Variants in MSI2 observed in about 807,000 individuals in gnomAD.
MSI2 encodes the protein musashi RNA binding protein 2.
Under a neutral mutation model 45.6 loss-of-function variants are expected in MSI2, and 17 were observed. That is an observed-to-expected ratio of 0.37 (90% confidence interval 0.26 to 0.56). The LOEUF is 0.56. Among genes scored for constraint, MSI2 ranks in the 20% least tolerant of loss-of-function variants. The probability of loss-of-function intolerance (pLI) is 0.77; values close to 1 mark genes in which losing one functional copy is unlikely to be tolerated. For synonymous variants in MSI2, 156 were observed against 158.2 expected (o/e 0.99, Z 0.11); for missense variants, 293 against 444.2 (o/e 0.66, Z 3.06).
intron 5 of MSI2, among the ~76,000 whole-genome samples, chr17:57,311,426 C>T (rs761114210): frequency 4.6e-5 from 7 of 152,106 alleles, no homozygotes; most frequent in Non-Finnish European, 1.0e-4. Context: ...TAAAACACTC[C>T]CCACTGTTCA....
At chr17:57,451,042 T>A (rs554308747) in intron 6 of MSI2, among the ~76,000 whole-genome samples, 1 of 152,272 alleles carries the variant, frequency 6.6e-6, no homozygotes, top group South Asian at 2.1e-4. Context: ...TGAAGCTTCC[T>A]CGATTGCTCA....
chr17:57,678,843 A>T (rs1226437548), intron 13 of MSI2, among the ~76,000 whole-genome samples: 1 of 152,242 alleles, frequency 6.6e-6, no homozygotes, highest in Non-Finnish European at 1.5e-5. Context: ...CACCCGCAGC[A>T]CTTAGGAAGG....
intron 7 of MSI2, among the ~76,000 whole-genome samples, chr17:57,532,742 C>T (rs1049381464): frequency 1.3e-5 from 2 of 152,206 alleles, no homozygotes; most frequent in African/African-American, 2.4e-5. Flanking sequence ...GAAAGTGCTG[C>T]AGTGGCAGAA....
intron 5 of MSI2, among the ~76,000 whole-genome samples, chr17:57,310,891 G>A (rs866580584): frequency 2.6e-5 from 4 of 152,186 alleles, no homozygotes; most frequent in African/African-American, 9.7e-5. Context: ...ATCCTTTTCT[G>A]CCCCTTACTA....
At chr17:57,328,458 C>A (rs1172967393) in intron 5 of MSI2, among the ~76,000 whole-genome samples, 1 of 152,218 alleles carries the variant, frequency 6.6e-6, no homozygotes, top group African/African-American at 2.4e-5. Flanking sequence ...TAAATGTAGA[C>A]ATAACTTTGT....
At chr17:57,693,948 A>G in the MSI2 span, among the ~76,000 whole-genome samples, 96,188 of 152,204 alleles carry the variant, frequency 0.63, 30,920 homozygotes, top group African/African-American at 0.75. Flanking sequence ...AAATGTGTCA[A>G]ATGGATATCA....
chr17:57,494,069 G>A (rs1479035456), intron 6 of MSI2, among the ~76,000 whole-genome samples: 1 of 152,130 alleles, frequency 6.6e-6, no homozygotes, highest in Admixed American at 6.5e-5. Flanking sequence ...TGGCACTTTT[G>A]TATTCACAAC....
At chr17:57,418,538 T>C (rs2084337392) in intron 6 of MSI2, among the ~76,000 whole-genome samples, 1 of 152,170 alleles carries the variant, frequency 6.6e-6, no homozygotes, top group Non-Finnish European at 1.5e-5. Context: ...GGAATGATCA[T>C]TTTGGGGTCT....
At chr17:57,345,813 C>T (rs928357914) in intron 5 of MSI2, among the ~76,000 whole-genome samples, 1 of 114,284 alleles carries the variant, frequency 8.8e-6, no homozygotes, top group Non-Finnish European at 1.7e-5. Flanking sequence ...AGTGGGACTC[C>T]GTCTCAAAAA....
chr17:57,521,664 A>G (rs9907547), intron 6 of MSI2, among the ~76,000 whole-genome samples: 27,683 of 152,130 alleles, frequency 0.18, 2,598 homozygotes, highest in African/African-American at 0.24. Context: ...CTACACACAC[A>G]TATGCTGTGT....
chr17:57,573,174 T>C (rs1195150342), intron 7 of MSI2, among the ~76,000 whole-genome samples: 2 of 152,262 alleles, frequency 1.3e-5, no homozygotes, highest in Admixed American at 1.3e-4. Flanking sequence ...CATTGGTTAC[T>C]AGTTATTGTA....
intron 6 of MSI2, among the ~76,000 whole-genome samples, chr17:57,462,010 A>G (rs1018736151): frequency 7.2e-5 from 11 of 152,156 alleles, no homozygotes; most frequent in African/African-American, 2.7e-4. Context: ...ACAGTTTGGG[A>G]GGCCAGAAGT....
intron 6 of MSI2, among the ~76,000 whole-genome samples, chr17:57,429,194 C>T (rs953920375): frequency 6.6e-6 from 1 of 152,058 alleles, no homozygotes; most frequent in Admixed American, 6.5e-5. Context: ...TGGGCTATGC[C>T]GACTTAACCC....
rs570193087 is a variant in MSI2, at chr17:57,450,143, T to G, written c.405+48672T>G. 3 of 152,042 alleles carry G rather than the reference T, an allele frequency of 2.0e-5. No homozygotes were observed. The South Asian group carries it at 6.2e-4, about 32-fold the overall frequency. The allele number at this position is 152,042 out of a possible 1,614,324, so 9.4% of individuals were successfully genotyped here. ...ATTTGACCTTCAGTAAATTCAACAT[T>G]GGAGGGTAACAGGGTTTTCTTTCCT... On this transcript the variant is annotated intron_variant, in intron 6 of 13. Coordinates refer to ENST00000284073, the MANE Select transcript of MSI2 (RefSeq NM_138962.4).
At chr17:57,678,359 A>T (rs1273926933) in intron 13 of MSI2, among the ~76,000 whole-genome samples, 1 of 152,198 alleles carries the variant, frequency 6.6e-6, no homozygotes, top group Non-Finnish European at 1.5e-5. Context: ...GCCAGAGGCC[A>T]CTAACAGTTT....
intron 5 of MSI2, among the ~76,000 whole-genome samples, chr17:57,328,012 C>G (rs1300421276): frequency 6.6e-6 from 1 of 152,156 alleles, no homozygotes; most frequent in African/African-American, 2.4e-5. Context: ...TGCAAAGGCA[C>G]TACTGTTGGG....
intron 5 of MSI2, among the ~76,000 whole-genome samples, chr17:57,315,110 T>C (rs9902064): frequency 0.18 from 27,731 of 152,056 alleles, 3,059 homozygotes; most frequent in African/African-American, 0.31. Context: ...GTTTGGGCAG[T>C]GGGGAGCCAG....
At chr17:57,678,250 C>T (rs192461070) in intron 13 of MSI2, among the ~76,000 whole-genome samples, 4 of 152,312 alleles carry the variant, frequency 2.6e-5, no homozygotes, top group African/African-American at 9.6e-5. Context: ...CCTCAACTAA[C>T]GCAACTGCCT....
chr17:57,639,207 A>G (rs1321297093), intron 10 of MSI2, among the ~76,000 whole-genome samples: 1 of 152,188 alleles, frequency 6.6e-6, no homozygotes, highest in Non-Finnish European at 1.5e-5. Flanking sequence ...GGACATAAAC[A>G]TTCAGACCAT....
Sources: allele counts gnomAD v4.1 joint callset (sites outside exome capture counted in the v4.1 genomes callset), GRCh38; gene constraint gnomAD v4.1.1; transcripts MANE v1.5; gene names NCBI Gene and HGNC (gene_info 2026-07-23, HGNC 2026-07-21).